LRMDA: variants seen among roughly 807,000 people sequenced by gnomAD.
LRMDA encodes the protein leucine rich melanocyte differentiation associated.
LRMDA carries 18 observed loss-of-function variants against 29.8 expected under a neutral mutation model. That is an observed-to-expected ratio of 0.60 (90% CI 0.42 to 0.90). The LOEUF (loss-of-function observed/expected upper bound fraction) is 0.90, where lower values mean the gene tolerates loss of function less well. Ranked by LOEUF, LRMDA falls within the 40% of genes least tolerant of loss-of-function variation. The pLI is 0.00. For synonymous variants in LRMDA, 125 were observed against 109.4 expected (o/e 1.14, Z -0.89); for missense variants, 273 against 273.9 (o/e 1.00, Z 0.02).
intron 6 of LRMDA, among the ~76,000 whole-genome samples, chr10:76,509,695 C>T (rs1201759521): frequency 6.6e-6 from 1 of 152,202 alleles, no homozygotes; most frequent in African/African-American, 2.4e-5. Flanking sequence ...CAGTAGAGAT[C>T]TGAGAGGCTG....
intron 2 of LRMDA, among the ~76,000 whole-genome samples, chr10:75,776,459 AT>A (rs1843313109): frequency 6.6e-6 from 1 of 152,284 alleles, no homozygotes; most frequent in African/African-American, 2.4e-5. Flanking sequence ...CAGCCTTCTT[AT>A]TTTACAAAGG....
At position 75,891,607 on chromosome 10, in the gene LRMDA, A is replaced by G. The variant is rs569108731; in HGVS notation, c.132-144401A>G. On this transcript the variant is annotated intron_variant, in intron 2 of 6. Coordinates refer to ENST00000611255, the MANE Select transcript of LRMDA (RefSeq NM_001305581.2). ...GTCAGGACTTTGGGTTTTATTGTAT[A>G]TTAGAGGGGAAGCCATTGAAAGGCT... 2.6e-5 allele frequency among the ~76,000 whole-genome samples: 4 copies of G among 152,276 alleles called. No individual in the cohort carries two copies. In the South Asian group the frequency reaches 8.3e-4, roughly 32 times the overall value.
At chr10:75,447,215 T>G (rs1235481919) in intron 2 of LRMDA, among the ~76,000 whole-genome samples, 4 of 152,216 alleles carry the variant, frequency 2.6e-5, no homozygotes, top group Non-Finnish European at 5.9e-5. Context: ...AAAATATTTT[T>G]GTTCCAAGAA....
chr10:75,792,301 G>C (rs965025698), intron 2 of LRMDA, among the ~76,000 whole-genome samples: 1 of 151,794 alleles, frequency 6.6e-6, no homozygotes, highest in Non-Finnish European at 1.5e-5. Context: ...GTCTCACTCT[G>C]TCACCCAGGC....
At chr10:76,507,285 A>C (rs567777215) in intron 6 of LRMDA, among the ~76,000 whole-genome samples, 1 of 152,128 alleles carries the variant, frequency 6.6e-6, no homozygotes, top group South Asian at 2.1e-4. Context: ...CCCATTAAAA[A>C]AAAATCAGAT....
intron 2 of LRMDA, among the ~76,000 whole-genome samples, chr10:75,886,893 C>A (rs77088624): frequency 2.6e-5 from 4 of 152,154 alleles, no homozygotes; most frequent in African/African-American, 9.6e-5. Context: ...ATCGTCAGGG[C>A]CCTTTACTCC....
chr10:75,555,508 G>A (rs1345456368), intron 2 of LRMDA, among the ~76,000 whole-genome samples: 4 of 152,188 alleles, frequency 2.6e-5, no homozygotes, highest in East Asian at 3.9e-4. Flanking sequence ...TTCATGTGTG[G>A]TGCAGATTCC....
At chr10:75,655,800 T>C (rs1024633121) in intron 2 of LRMDA, among the ~76,000 whole-genome samples, 1 of 152,212 alleles carries the variant, frequency 6.6e-6, no homozygotes, top group Non-Finnish European at 1.5e-5. Flanking sequence ...AGATGTTTCA[T>C]GTACTGGTCA....
intron 2 of LRMDA, among the ~76,000 whole-genome samples, chr10:75,533,525 C>T (rs1845503421): frequency 6.6e-6 from 1 of 152,186 alleles, no homozygotes; most frequent in Admixed American, 6.5e-5. Flanking sequence ...TGGGCATACT[C>T]ATATTTATTG....
chr10:76,087,556 AG>A (rs1259281141), intron 5 of LRMDA, among the ~76,000 whole-genome samples: 1 of 152,164 alleles, frequency 6.6e-6, no homozygotes, highest in Non-Finnish European at 1.5e-5. Context: ...GGTCCCTCAA[AG>A]CCAGGTCCTC....
intron 2 of LRMDA, among the ~76,000 whole-genome samples, chr10:75,733,594 A>T (rs1842725189): frequency 6.6e-6 from 1 of 152,108 alleles, no homozygotes; most frequent in African/African-American, 2.4e-5. Flanking sequence ...TGAGATGATA[A>T]TGTGGCCTGT....
intron 2 of LRMDA, among the ~76,000 whole-genome samples, chr10:75,826,536 T>C (rs1844249577): frequency 6.6e-6 from 1 of 152,228 alleles, no homozygotes; most frequent in Non-Finnish European, 1.5e-5. Context: ...TCTGGGCCTG[T>C]GGAGCTCTTT....
intron 2 of LRMDA, among the ~76,000 whole-genome samples, chr10:76,014,172 A>G (rs924224228): frequency 2.1e-5 from 3 of 144,076 alleles, no homozygotes; most frequent in African/African-American, 7.7e-5. Context: ...TTATATATAT[A>G]TGGTAACATT....
intron 2 of LRMDA, among the ~76,000 whole-genome samples, chr10:75,959,517 GCACA>G (rs3042540): frequency 0.11 from 16,009 of 150,046 alleles, 1,999 homozygotes; most frequent in African/African-American, 0.3. Context: ...GCACGTGCAT[GCACA>G]CACACACACA....
intron 5 of LRMDA, among the ~76,000 whole-genome samples, chr10:76,279,608 C>T (rs1336108708): frequency 5.6e-5 from 8 of 142,594 alleles, no homozygotes; most frequent in African/African-American, 1.3e-4. Context: ...TGCAATGGCA[C>T]GATCTTGGCT....
intron 2 of LRMDA, among the ~76,000 whole-genome samples, chr10:75,736,496 G>T (rs1466077971): frequency 6.6e-6 from 1 of 152,136 alleles, no homozygotes; most frequent in Non-Finnish European, 1.5e-5. Flanking sequence ...TCGGTACAGA[G>T]GCTTGATTGC....
intron 2 of LRMDA, among the ~76,000 whole-genome samples, chr10:75,791,062 A>G (rs1843557007): frequency 6.6e-6 from 1 of 152,220 alleles, no homozygotes; most frequent in African/African-American, 2.4e-5. Context: ...AATTCTGTGC[A>G]GTGCAGTGTG....
intron 6 of LRMDA, among the ~76,000 whole-genome samples, chr10:76,536,445 C>T (rs530044020): frequency 7.9e-5 from 12 of 152,068 alleles, no homozygotes; most frequent in African/African-American, 2.9e-4. Context: ...CTCCGGGGGT[C>T]GATCCAGCAA....
intron 2 of LRMDA, among the ~76,000 whole-genome samples, chr10:75,619,851 C>T (rs1174577531): frequency 6.6e-6 from 1 of 152,190 alleles, no homozygotes; most frequent in Non-Finnish European, 1.5e-5. Flanking sequence ...GTGCAAATTG[C>T]TTAATTTCAG....
Sources: allele counts gnomAD v4.1 joint callset (sites outside exome capture counted in the v4.1 genomes callset), GRCh38; gene constraint gnomAD v4.1.1; transcripts MANE v1.5; gene names NCBI Gene and HGNC (gene_info 2026-07-23, HGNC 2026-07-21).